NPAS3: variants seen among roughly 807,000 people sequenced by gnomAD.
The protein encoded by NPAS3 is neuronal PAS domain-containing protein 3.
Under a neutral mutation model 73.1 loss-of-function variants are expected in NPAS3, and 14 were observed. The ratio of observed to expected loss-of-function variants is 0.19; its 90% CI spans 0.13 to 0.30. NPAS3 has a LOEUF of 0.30. Ranked by LOEUF, NPAS3 falls within the 10% of genes least tolerant of loss-of-function variation. The pLI, the probability that NPAS3 is intolerant of heterozygous loss-of-function variation, is 1.00. For missense variants in NPAS3, 1,096 were observed against 1,250.0 expected, an observed-to-expected ratio of 0.88 and a Z score of 1.86; for synonymous variants, 620 against 541.5, an observed-to-expected ratio of 1.14 and a Z score of -2.01.
chr14:33,534,298 A>G (rs2054167956), intron 4 of NPAS3, among the ~76,000 whole-genome samples: 1 of 152,196 alleles, frequency 6.6e-6, no homozygotes, highest in African/African-American at 2.4e-5. Flanking sequence ...CAGACAAAGC[A>G]ACAGCTAGAG....
intron 9 of NPAS3, among the ~76,000 whole-genome samples, chr14:33,789,764 A>ATT (rs370755127): frequency 6.8e-6 from 1 of 147,862 alleles, no homozygotes; most frequent in South Asian, 2.2e-4. Flanking sequence ...AATTTTTTGT[A>ATT]TTTTTTAGTA....
intron 5 of NPAS3, among the ~76,000 whole-genome samples, chr14:33,609,844 G>A (rs368614112): frequency 3.2e-4 from 48 of 152,208 alleles, no homozygotes; most frequent in African/African-American, 1.1e-3. Flanking sequence ...ACTCCAATCA[G>A]GAGTTCGCAA....
chr14:33,492,499 C>G (rs2051950829), intron 4 of NPAS3, among the ~76,000 whole-genome samples: 1 of 152,144 alleles, frequency 6.6e-6, no homozygotes, highest in Admixed American at 6.6e-5. Flanking sequence ...AGGAGAATCG[C>G]TTGCTCTTTC....
Position 33,735,175 on chromosome 14 carries a change from G to T in NPAS3, c.734-39G>T. The T allele has an allele frequency of 2.1e-6, 3 of 1,445,330 alleles. No individual in the cohort carries two copies. In the South Asian group the frequency reaches 3.4e-5, roughly 17 times the overall value. 89.5% of individuals were successfully genotyped at this position (1,445,330 alleles called of 1,614,324 possible). On this transcript the variant is annotated intron_variant, in intron 6 of 11. Transcript: ENST00000356141. ...CTGTAGCTGTGAGGGGCTGTGTCAA[G>T]ATCTAAATCGTGTGTGTCTGTATTT...
At chr14:33,398,679 A>T (rs2047324887) in intron 4 of NPAS3, among the ~76,000 whole-genome samples, 1 of 152,124 alleles carries the variant, frequency 6.6e-6, no homozygotes, top group African/African-American at 2.4e-5. Context: ...TAAAAGAGTA[A>T]ATCTATAAAA....
chr14:33,326,598 C>G (rs953135712), intron 3 of NPAS3, among the ~76,000 whole-genome samples: 1 of 152,066 alleles, frequency 6.6e-6, no homozygotes, highest in South Asian at 2.1e-4. Flanking sequence ...AATTATAGAA[C>G]GTGAAAATCT....
At chr14:33,048,179 A>G (rs1403475723) in intron 1 of NPAS3, among the ~76,000 whole-genome samples, 1 of 152,220 alleles carries the variant, frequency 6.6e-6, no homozygotes, top group African/African-American at 2.4e-5. Context: ...TAAAATATTA[A>G]TAAAATGCAT....
intron 2 of NPAS3, among the ~76,000 whole-genome samples, chr14:33,196,321 C>CA (rs1254574023): frequency 2.0e-5 from 3 of 152,218 alleles, no homozygotes; most frequent in Non-Finnish European, 4.4e-5. Flanking sequence ...CAGGACCTCC[C>CA]ACTGATAGCA....
chr14:32,982,219 G>T (rs1555314994), intron 1 of NPAS3, among the ~76,000 whole-genome samples: 3 of 152,194 alleles, frequency 2.0e-5, no homozygotes, highest in Non-Finnish European at 4.4e-5. Context: ...GAGAAGAAGA[G>T]ATCAAACTTG....
At chr14:33,010,918 G>A (rs1369172651) in intron 1 of NPAS3, among the ~76,000 whole-genome samples, 1 of 133,316 alleles carries the variant, frequency 7.5e-6, no homozygotes, top group Non-Finnish European at 1.6e-5. Flanking sequence ...CTGGGTGAGT[G>A]ACAGAGCCAG....
intron 2 of NPAS3, among the ~76,000 whole-genome samples, chr14:33,206,896 T>C (rs1445053191): frequency 6.6e-6 from 1 of 152,182 alleles, no homozygotes; most frequent in African/African-American, 2.4e-5. Context: ...TTTTCCTTTC[T>C]GCAGAGATGC....
chr14:33,105,981 G>A (rs1296423234), intron 2 of NPAS3, among the ~76,000 whole-genome samples: 2 of 152,108 alleles, frequency 1.3e-5, no homozygotes, highest in African/African-American at 4.8e-5. Context: ...TCTTTTGACT[G>A]TGATTTTGGA....
intron 1 of NPAS3, among the ~76,000 whole-genome samples, chr14:32,990,420 A>C (rs1253985630): frequency 3.3e-5 from 5 of 152,130 alleles, no homozygotes. Flanking sequence ...GTGGCTTTAA[A>C]TTTTCCAGAT....
chr14:33,770,261 C>A (rs1158932668), intron 7 of NPAS3, among the ~76,000 whole-genome samples: 2 of 152,158 alleles, frequency 1.3e-5, no homozygotes, highest in Non-Finnish European at 2.9e-5. Flanking sequence ...TAGTTAGTAT[C>A]ACCTCTGAAG....
chr14:33,537,500 C>T lies in NPAS3; in HGVS notation c.469-22621C>T, dbSNP rs114976443. ...TATGGCTAGTTCATAGATTAATGGA[C>T]GTTAATCAGAATTGTAGTTTCTTTA... On this transcript the variant is annotated intron_variant, in intron 4 of 11. Coordinates refer to ENST00000356141, the Ensembl canonical transcript of NPAS3. Among the ~76,000 whole-genome samples the T allele has an allele frequency of 6.8e-3, 1,040 of 152,196 alleles. 8 individuals carry two copies. Among genetic ancestry groups the T allele is most frequent in the African/African-American group, 0.023 (954 of 41,524 alleles).
In NPAS3 at chr14:32,997,450, A is replaced by T. The variant is rs570671261; in HGVS notation, c.50+58084A>T. 2.0e-4 allele frequency among the ~76,000 whole-genome samples: 31 copies of T among 152,224 alleles called. No individual in the cohort carries two copies. The South Asian group carries it at 6.4e-3, about 32-fold the overall frequency. Reference sequence around the variant, plus strand: ...GATATGGTTTCGTCCTGTGTCCCTCACCCAAGTCTCATGTTGCAAGTCCCA... The same window carrying T: ...GATATGGTTTCGTCCTGTGTCCCTCTCCCAAGTCTCATGTTGCAAGTCCCA... On this transcript the variant is annotated intron_variant, in intron 1 of 11. Transcript: ENST00000356141.
At chr14:33,117,489 T>C (rs572057397) in intron 2 of NPAS3, among the ~76,000 whole-genome samples, 7 of 152,196 alleles carry the variant, frequency 4.6e-5, no homozygotes, top group Non-Finnish European at 7.4e-5. Flanking sequence ...AGAGTTGTTC[T>C]GTGTAAGCCA....
chr14:32,962,570 T>TTTC (rs72220749), intron 1 of NPAS3, among the ~76,000 whole-genome samples: 2 of 66,834 alleles, frequency 3.0e-5, no homozygotes, highest in African/African-American at 1.9e-4. Flanking sequence ...TTTTCTTTTC[T>TTTC]TTTTTTTTTT....
chr14:33,782,574 A>G (rs966238190), intron 9 of NPAS3, among the ~76,000 whole-genome samples: 5 of 152,146 alleles, frequency 3.3e-5, no homozygotes, highest in Non-Finnish European at 1.5e-5. Context: ...CCTAGGGGAA[A>G]ACTTCCTTTC....
Sources: allele counts gnomAD v4.1 joint callset (sites outside exome capture counted in the v4.1 genomes callset), GRCh38; gene constraint gnomAD v4.1.1; transcripts MANE v1.5; gene names NCBI Gene and HGNC (gene_info 2026-07-23, HGNC 2026-07-21).